The following PTPRJ variants were observed in gnomAD, a reference collection of about 807,000 sequenced individuals.
PTPRJ encodes receptor-type tyrosine-protein phosphatase eta.
PTPRJ carries 129 observed loss-of-function variants against 141.3 expected under a neutral mutation model. The observed-to-expected ratio is 0.91, with a 90% CI of 0.79 to 1.06. The LOEUF (loss-of-function observed/expected upper bound fraction) is 1.06. Ranked by LOEUF, PTPRJ falls within the 50% of genes least tolerant of loss-of-function variation. The pLI is 0.00. For missense variants in PTPRJ, 1,601 were observed against 1,679.7 expected, an observed-to-expected ratio of 0.95 and a Z score of 0.82; for synonymous variants, 610 against 640.5, an observed-to-expected ratio of 0.95 and a Z score of 0.72.
At chr11:48,136,544 A>G (rs1857106503) in intron 9 of PTPRJ, among the ~76,000 whole-genome samples, 2 of 152,362 alleles carry the variant, frequency 1.3e-5, no homozygotes, top group Admixed American at 1.3e-4. Context: ...AAATGGTTCT[A>G]GTCATTCCTT....
intron 6 of PTPRJ, among the ~76,000 whole-genome samples, chr11:48,126,447 C>T (rs1362307981): frequency 2.0e-5 from 3 of 151,894 alleles, no homozygotes; most frequent in African/African-American, 7.3e-5. Flanking sequence ...TAACAAATGG[C>T]CATGCACTAG....
At chr11:48,045,477 G>A (rs1333540243) in intron 1 of PTPRJ, among the ~76,000 whole-genome samples, 1 of 152,180 alleles carries the variant, frequency 6.6e-6, no homozygotes, top group Non-Finnish European at 1.5e-5. Context: ...ATTCAGGATG[G>A]TGGGAGTGTC....
chr11:48,023,139 AAG>A (rs1191798085), intron 1 of PTPRJ, among the ~76,000 whole-genome samples: 1 of 151,542 alleles, frequency 6.6e-6, no homozygotes, highest in Non-Finnish European at 1.5e-5. Context: ...ACGAGAGAGT[AAG>A]AGTAAGAAAA....
intron 1 of PTPRJ, among the ~76,000 whole-genome samples, chr11:48,017,690 T>A (rs1854986859): frequency 6.6e-6 from 1 of 152,190 alleles, no homozygotes; most frequent in Non-Finnish European, 1.5e-5. Flanking sequence ...TCTACCTGCA[T>A]GCACCGTGTT....
chr11:48,110,172 T>G, intron 2 of PTPRJ, 96 bp downstream of exon 2: 1 of 1,306,554 alleles, frequency 7.7e-7, no homozygotes, highest in Non-Finnish European at 1.1e-6. Context: ...GCTAATTTAT[T>G]AAAACCTGCT....
rs1362866392 is a variant in PTPRJ at position 48,161,025 on chromosome 11, A to G, written c.3558+976A>G. ...CAAAAACAAAACCAAACCAAACCCA[A>G]AAATTAGCCAGGCATGCTGGTATAC... is the stretch of plus-strand genomic sequence containing the variant. On this transcript the variant is annotated intron_variant, in intron 22 of 24. Transcript: ENST00000418331. Among the ~76,000 whole-genome samples the G allele has an allele frequency of 1.3e-5, 2 of 151,868 alleles. 1 individual carries two copies. The highest frequency in any genetic ancestry group is 4.8e-5 in the African/African-American group (2 of 41,330).
chr11:48,099,481 A>G (rs1856100995), intron 1 of PTPRJ, among the ~76,000 whole-genome samples: 1 of 152,188 alleles, frequency 6.6e-6, no homozygotes, highest in African/African-American at 2.4e-5. Context: ...TGCCAGGCCT[A>G]AAATGTTTAC....
Position 48,165,660 on chromosome 11 carries a change from A to G in PTPRJ, c.3855+1145A>G, listed in dbSNP as rs557222617. 3.3e-5 allele frequency among the ~76,000 whole-genome samples: 5 copies of G among 152,292 alleles called. No homozygotes were observed. In the South Asian group the frequency reaches 1.0e-3, roughly 32 times the overall value. ...GGTGAGCTTGGTGGTTGTTGTGGAA[A>G]GAGTGAAATTCAACTCCTGTGTTGG... On this transcript the variant is annotated intron_variant, in intron 24 of 24. Coordinates refer to ENST00000418331, the MANE Select transcript of PTPRJ (RefSeq NM_002843.4).
At chr11:48,011,994 G>A (rs933017378) in intron 1 of PTPRJ, among the ~76,000 whole-genome samples, 18 of 152,106 alleles carry the variant, frequency 1.2e-4, no homozygotes, top group Admixed American at 1.3e-4. Flanking sequence ...CTTAAGGAGA[G>A]AGCACTGAAG....
chr11:48,147,351 G>A (rs1434394702), intron 15 of PTPRJ, among the ~76,000 whole-genome samples: 1 of 152,190 alleles, frequency 6.6e-6, no homozygotes, highest in Non-Finnish European at 1.5e-5. Context: ...TATGATAGGA[G>A]GATAATCATT....
intron 1 of PTPRJ, among the ~76,000 whole-genome samples, chr11:48,105,704 A>C (rs978121906): frequency 3.9e-4 from 60 of 152,164 alleles, no homozygotes; most frequent in African/African-American, 1.4e-3. Context: ...ACGGGCTTTC[A>C]GTGGTGATGT....
rs1857592359 is a variant in PTPRJ at position 48,156,082 on chromosome 11, C to T, written c.3401C>T (p.Ala1134Val). 6 of 1,598,230 alleles carry T rather than the reference C, an allele frequency of 3.8e-6. No homozygotes were observed. The South Asian group carries it at 5.5e-5, about 15-fold the overall frequency. ...ATGGTTTGGGAGAAAAATGTATATG[C>T]CATCATTATGTTGACTAAATGTGTT... ...WRMVWEKNVY[A>V]IIMLTKCVEQ... is the part of the protein sequence containing the mutation. Residue 1134 changes from alanine to valine, a missense_variant, in exon 21 of 25, where the codon GCC (alanine) becomes GTC (valine). Coordinates refer to ENST00000418331, the MANE Select transcript of PTPRJ (RefSeq NM_002843.4).
intron 18 of PTPRJ, among the ~76,000 whole-genome samples, chr11:48,152,366 G>T (rs1857504358): frequency 6.6e-6 from 1 of 152,144 alleles, no homozygotes; most frequent in Admixed American, 6.5e-5. Context: ...CAGATGGGTA[G>T]ATTGCAAAAA....
intron 1 of PTPRJ, among the ~76,000 whole-genome samples, chr11:48,092,038 G>A (rs1855878349): frequency 1.3e-5 from 2 of 152,124 alleles, no homozygotes; most frequent in South Asian, 4.1e-4. Context: ...GCTCATGCCT[G>A]TAATCCCAGC....
intron 1 of PTPRJ, among the ~76,000 whole-genome samples, chr11:48,094,763 CAGAG>C (rs1191659632): frequency 6.6e-6 from 1 of 152,262 alleles, no homozygotes; most frequent in South Asian, 2.1e-4. Context: ...TTCTGGGTAA[CAGAG>C]AGGCTCTCAA....
intron 1 of PTPRJ, among the ~76,000 whole-genome samples, chr11:48,098,767 T>C (rs1299584892): frequency 3.1e-5 from 4 of 129,976 alleles, no homozygotes; most frequent in South Asian, 3.1e-4. Flanking sequence ...GATCCGCCCG[T>C]CTCGGCCTCC....
rs753992279 is a variant in PTPRJ, at chr11:48,159,937, G to A, written c.3446G>A (p.Cys1149Tyr). 2.5e-6 allele frequency: 4 copies of A among 1,613,798 alleles called. No homozygotes were observed. The highest frequency in any genetic ancestry group is 2.2e-5 in the East Asian group (1 of 44,874). ...TKCVEQGRTK[C>Y]EEYWPSKQAQ... Reference sequence around the variant, plus strand: ...AATGCAATTTTGTTCTAGACCAAATGTGAGGAGTATTGGCCCTCCAAGCAG... The same window carrying A: ...AATGCAATTTTGTTCTAGACCAAATATGAGGAGTATTGGCCCTCCAAGCAG... Residue 1149 changes from cysteine (C) to tyrosine (Y), a missense_variant, in exon 22 of 25, where the codon TGT (cysteine) becomes TAT (tyrosine). By Grantham distance (194) the Cys-to-Tyr change is radical. Coordinates refer to ENST00000418331, the MANE Select transcript of PTPRJ (RefSeq NM_002843.4).
chr11:48,057,680 A>G (rs1204228617), intron 1 of PTPRJ, among the ~76,000 whole-genome samples: 1 of 152,076 alleles, frequency 6.6e-6, no homozygotes, highest in Non-Finnish European at 1.5e-5. Flanking sequence ...GGAGGGGCAG[A>G]TGGGAGCCTG....
chr11:48,097,433 T>C (rs1349856499), intron 1 of PTPRJ, among the ~76,000 whole-genome samples: 1 of 152,208 alleles, frequency 6.6e-6, no homozygotes, highest in Admixed American at 6.5e-5. Context: ...TGTTGTTTTT[T>C]AAGATAGTGT....
Sources: allele counts gnomAD v4.1 joint callset (sites outside exome capture counted in the v4.1 genomes callset), GRCh38; gene constraint gnomAD v4.1.1; transcripts MANE v1.5; gene names NCBI Gene and HGNC (gene_info 2026-07-23, HGNC 2026-07-21).